TMEM61: variants seen among roughly 807,000 people sequenced by gnomAD.
TMEM61 encodes transmembrane protein 61.
Under a neutral mutation model 12.0 loss-of-function variants are expected in TMEM61, and 13 were observed. That is an observed-to-expected ratio of 1.08 (90% confidence interval 0.70 to 1.72). The LOEUF (loss-of-function observed/expected upper bound fraction) is 1.72. Among genes scored for constraint, TMEM61 ranks in the 40% most tolerant of loss-of-function variants. The probability of loss-of-function intolerance (pLI) is 0.00; values close to 1 mark genes in which losing one functional copy is unlikely to be tolerated. For missense variants in TMEM61, 249 were observed against 276.9 expected, an observed-to-expected ratio of 0.90 and a Z score of 0.71; for synonymous variants, 109 against 121.4, an observed-to-expected ratio of 0.90 and a Z score of 0.67.
chr1:54,981,919 A>C (rs1335858898), intron 1 of TMEM61, among the ~76,000 whole-genome samples: 1 of 152,174 alleles, frequency 6.6e-6, no homozygotes, highest in Non-Finnish European at 1.5e-5. Flanking sequence ...AATAAGAATA[A>C]ATTTTATTTT....
intron 1 of TMEM61, among the ~76,000 whole-genome samples, chr1:54,983,526 G>A (rs920450805): frequency 6.6e-6 from 1 of 152,104 alleles, no homozygotes; most frequent in Non-Finnish European, 1.5e-5. Flanking sequence ...GTTGCCCCAC[G>A]CAGGTGTGCC....
intron 1 of TMEM61, among the ~76,000 whole-genome samples, 180 bp from the exon 2 acceptor site, chr1:54,985,917 A>G (rs1040868421): frequency 6.6e-6 from 1 of 152,228 alleles, no homozygotes; most frequent in Non-Finnish European, 1.5e-5. Flanking sequence ...TCTGACCTTC[A>G]GAATAGCCCG....
intron 2 of TMEM61, among the ~76,000 whole-genome samples, chr1:54,989,337 T>G (rs1380904781): frequency 6.6e-6 from 1 of 152,208 alleles, no homozygotes; most frequent in Non-Finnish European, 1.5e-5. Flanking sequence ...TGGTTGTGAA[T>G]ATGAAAGGAG....
intron 2 of TMEM61, among the ~76,000 whole-genome samples, chr1:54,988,269 G>A (rs1399403378): frequency 6.6e-6 from 1 of 152,234 alleles, no homozygotes; most frequent in Non-Finnish European, 1.5e-5. Context: ...CAGGGGGTGG[G>A]TGTTGCCTGT....
chr1:54,985,193 T>C (rs1235427445), intron 1 of TMEM61, among the ~76,000 whole-genome samples: 3 of 151,738 alleles, frequency 2.0e-5, no homozygotes, highest in African/African-American at 7.3e-5. Context: ...ATGACCATTA[T>C]TAATAAGGCC....
At position 54,986,269 on chromosome 1, in the gene TMEM61, GC is replaced by G; in HGVS notation, c.193del (p.Leu65CysfsTer72). ...PTEYPVPEGP[S>X]PLLRSVSFVC... ...GAGTATCCGGTGCCTGAGGGCCCCA[GC>G]CCCCTGCTCAGGTCCGTCAGCTTCG... On this transcript the variant is annotated frameshift_variant, in exon 2 of 3. Coordinates refer to ENST00000371268, the MANE Select transcript of TMEM61 (RefSeq NM_182532.3). LOFTEE classifies it high-confidence loss of function. The G allele has an allele frequency of 6.2e-7, 1 of 1,613,840 alleles. No homozygotes were observed. Among genetic ancestry groups the G allele is most frequent in the South Asian group, 1.1e-5 (1 of 91,066 alleles).
At position 54,986,281 on chromosome 1, in the gene TMEM61, G is replaced by C; in HGVS notation, c.200G>C (p.Arg67Thr). ...PVPEGPSPLL[R>T]SVSFVCCGAG... is the part of the protein sequence containing the mutation. ...CCTGAGGGCCCCAGCCCCCTGCTCAGGTCCGTCAGCTTCGTCTGCTGCGGT... is the reference window on the plus strand; with the variant it reads ...CCTGAGGGCCCCAGCCCCCTGCTCACGTCCGTCAGCTTCGTCTGCTGCGGT... Residue 67 changes from arginine (R) to threonine (T), a missense_variant, in exon 2 of 3, where the codon AGG (arginine) becomes ACG (threonine). Transcript: ENST00000371268. 6.2e-7 allele frequency: 1 copy of C among 1,613,996 alleles called. No homozygotes were observed. The highest frequency in any genetic ancestry group is 8.5e-7 in the Non-Finnish European group (1 of 1,180,036).
Position 54,981,021 on chromosome 1 carries a change from C to T in TMEM61, c.-45C>T. On this transcript the variant is annotated 5_prime_UTR_variant, in exon 1 of 3. Coordinates refer to ENST00000371268, the MANE Select transcript of TMEM61 (RefSeq NM_182532.3). Reference sequence around the variant, plus strand: ...CTCCACCACCACACCTTCACCTGCGCCCGGCTCCCTGCGCGCCTGGACAGC... The same window carrying T: ...CTCCACCACCACACCTTCACCTGCGTCCGGCTCCCTGCGCGCCTGGACAGC... 6.5e-7 allele frequency: 1 copy of T among 1,544,608 alleles called. No homozygotes were observed. Among genetic ancestry groups the T allele is most frequent in the Non-Finnish European group, 8.7e-7 (1 of 1,143,464 alleles).
At chr1:54,985,534 G>A (rs1441977149) in intron 1 of TMEM61, among the ~76,000 whole-genome samples, 1 of 152,216 alleles carries the variant, frequency 6.6e-6, no homozygotes, top group African/African-American at 2.4e-5. Flanking sequence ...ACTGCACCTG[G>A]CTTGCTGAAC....
rs758670966 is a variant in TMEM61, at chr1:54,991,837, AC to A, written c.372del (p.Val126TrpfsTer11). ...VESSEKESCR[T>X]PKVVDIPTYE... is the part of the protein sequence containing the mutation. ...ACAGCCTCTCTTCTGTTCCTGCAGG[AC>A]CCCCAAAGTGGTTGACATCCCCACT... On this transcript the variant is annotated frameshift_variant and splice_region_variant, in exon 3 of 3. Coordinates refer to ENST00000371268, the MANE Select transcript of TMEM61 (RefSeq NM_182532.3). LOFTEE classifies it low-confidence loss of function (END_TRUNC). 1.1e-4 allele frequency: 181 copies of A among 1,613,348 alleles called. No individual in the cohort carries two copies. In the African/African-American group the frequency reaches 2.2e-3, roughly 20 times the overall value.
At chr1:54,982,976 T>A (rs560700040) in intron 1 of TMEM61, among the ~76,000 whole-genome samples, 1 of 152,184 alleles carries the variant, frequency 6.6e-6, no homozygotes, top group East Asian at 1.9e-4. Flanking sequence ...CCCAGCCTGA[T>A]AAATGCACAG....
At chr1:54,981,253 G>C (rs1331954409) in intron 1 of TMEM61, among the ~76,000 whole-genome samples, 173 bp downstream of exon 1, 1 of 152,168 alleles carries the variant, frequency 6.6e-6, no homozygotes, top group Non-Finnish European at 1.5e-5. Flanking sequence ...TGGCACTCAG[G>C]GCCTCAATTG....
chr1:54,988,940 G>A (rs1644277680), intron 2 of TMEM61, among the ~76,000 whole-genome samples: 1 of 152,176 alleles, frequency 6.6e-6, no homozygotes. Context: ...ACTCTCTGAG[G>A]CTGTGTCTGA....
chr1:54,982,467 T>C (rs925979359), intron 1 of TMEM61, among the ~76,000 whole-genome samples: 1 of 152,152 alleles, frequency 6.6e-6, no homozygotes, highest in Admixed American at 6.5e-5. Flanking sequence ...CCAGTGGACA[T>C]TGACCTTCTC....
intron 2 of TMEM61, 117 bp from the exon 3 acceptor site, chr1:54,991,719 C>A: frequency 7.8e-7 from 1 of 1,283,684 alleles, no homozygotes; most frequent in Non-Finnish European, 1.1e-6. Context: ...TGGAGAGCCA[C>A]AAAGGCTTGG....
intron 2 of TMEM61, 67 bp from the exon 3 acceptor site, chr1:54,991,769 C>T: frequency 6.5e-7 from 1 of 1,547,932 alleles, no homozygotes; most frequent in East Asian, 2.3e-5. Flanking sequence ...GCCTTCCTCA[C>T]TGTCTCTCTG....
chr1:54,984,527 T>C (rs1015933430), intron 1 of TMEM61, among the ~76,000 whole-genome samples: 4 of 152,314 alleles, frequency 2.6e-5, no homozygotes, highest in African/African-American at 9.6e-5. Context: ...TCTTCACAAC[T>C]GTGAGGGTGG....
intron 2 of TMEM61, among the ~76,000 whole-genome samples, chr1:54,990,646 G>A (rs1490741111): frequency 6.6e-6 from 1 of 152,190 alleles, no homozygotes; most frequent in Non-Finnish European, 1.5e-5. Context: ...AAGTGACTCA[G>A]CCTCTCTCAG....
At chr1:54,984,043 C>G (rs1030691940) in intron 1 of TMEM61, among the ~76,000 whole-genome samples, 3 of 152,052 alleles carry the variant, frequency 2.0e-5, no homozygotes, top group African/African-American at 7.3e-5. Context: ...TTCTCTCTCT[C>G]TCACACACAC....
Sources: allele counts gnomAD v4.1 joint callset (sites outside exome capture counted in the v4.1 genomes callset), GRCh38; gene constraint gnomAD v4.1.1; transcripts MANE v1.5; gene names NCBI Gene and HGNC (gene_info 2026-07-23, HGNC 2026-07-21).